The following GRM7 variants were observed in gnomAD, a reference collection of about 807,000 sequenced individuals.
GRM7 encodes the protein metabotropic glutamate receptor 7.
In GRM7, 35 loss-of-function variants were observed where a neutral mutation model predicts 84.5. The observed-to-expected ratio is 0.41, with a 90% CI of 0.32 to 0.55. The LOEUF (loss-of-function observed/expected upper bound fraction) is 0.55. GRM7 is among the 20% of genes least tolerant of loss of function. GRM7 has a pLI of 0.19. For synonymous variants in GRM7, 487 were observed against 455.1 expected (o/e 1.07, Z -0.89); for missense variants, 1,003 against 1,194.6 (o/e 0.84, Z 2.36).
chr3:7,504,802 A>C (rs1303815108), intron 7 of GRM7, among the ~76,000 whole-genome samples: 1 of 152,210 alleles, frequency 6.6e-6, no homozygotes, highest in Non-Finnish European at 1.5e-5. Flanking sequence ...CATTTTAGCC[A>C]TAGCATTCTG....
chr3:7,046,799 C>A (rs1366436491), intron 1 of GRM7, among the ~76,000 whole-genome samples: 1 of 152,066 alleles, frequency 6.6e-6, no homozygotes, highest in African/African-American at 2.4e-5. Flanking sequence ...GAGAATGTCA[C>A]ATGAAAGCCT....
At chr3:7,453,631 C>T (rs1697872640) in intron 6 of GRM7, among the ~76,000 whole-genome samples, 1 of 152,108 alleles carries the variant, frequency 6.6e-6, no homozygotes, top group African/African-American at 2.4e-5. Context: ...TTGGGGTGTG[C>T]TGGCCTCCCC....
At chr3:7,337,993 A>G (rs942879440) in intron 4 of GRM7, among the ~76,000 whole-genome samples, 1 of 151,974 alleles carries the variant, frequency 6.6e-6, no homozygotes, top group Non-Finnish European at 1.5e-5. Context: ...AAAATATGAA[A>G]CCAGCCTAAA....
intron 8 of GRM7, among the ~76,000 whole-genome samples, chr3:7,642,988 T>G (rs1207083126): frequency 6.6e-6 from 1 of 152,066 alleles, no homozygotes; most frequent in African/African-American, 2.4e-5. Flanking sequence ...ACAGGCTAGT[T>G]TAGTAAGAGA....
intron 5 of GRM7, among the ~76,000 whole-genome samples, chr3:7,443,275 C>T (rs923232952): frequency 2.6e-5 from 4 of 151,986 alleles, no homozygotes; most frequent in Non-Finnish European, 4.4e-5. Flanking sequence ...CAAAGTAAAC[C>T]TCTACATATG....
intron 2 of GRM7, among the ~76,000 whole-genome samples, chr3:7,205,065 A>C (rs572163207): frequency 1.3e-5 from 2 of 152,296 alleles, no homozygotes; most frequent in Admixed American, 1.3e-4. Flanking sequence ...TGTGCTGTAC[A>C]TTGGGATTGA....
At chr3:7,181,948 T>G in intron 2 of GRM7, among the ~76,000 whole-genome samples, 1 of 152,176 alleles carries the variant, frequency 6.6e-6, no homozygotes, top group Middle Eastern at 3.4e-3. Flanking sequence ...AAAAAAGAAG[T>G]AGAATTTTAG....
chr3:7,311,664 G>C (rs924733981), intron 4 of GRM7, among the ~76,000 whole-genome samples: 12 of 151,330 alleles, frequency 7.9e-5, no homozygotes, highest in African/African-American at 2.9e-4. Flanking sequence ...CGCAGTCTTG[G>C]CTTACTGCAA....
chr3:7,076,354 T>A (rs1698076665), intron 1 of GRM7, among the ~76,000 whole-genome samples: 1 of 152,170 alleles, frequency 6.6e-6, no homozygotes, highest in African/African-American at 2.4e-5. Flanking sequence ...GGGAAGGGCC[T>A]TGGTGGGAGG....
chr3:7,312,077 G>A (rs1700417326), intron 4 of GRM7, among the ~76,000 whole-genome samples: 1 of 152,164 alleles, frequency 6.6e-6, no homozygotes, highest in Non-Finnish European at 1.5e-5. Context: ...ATAAAGGAGA[G>A]CTGAATATTG....
At chr3:7,109,997 T>C (rs1692788411) in intron 1 of GRM7, among the ~76,000 whole-genome samples, 1 of 152,140 alleles carries the variant, frequency 6.6e-6, no homozygotes, top group South Asian at 2.1e-4. Flanking sequence ...CCAAACCATT[T>C]TAACCTACAA....
chr3:7,516,504 AAGAAAT>A (rs1700394989), intron 7 of GRM7, among the ~76,000 whole-genome samples: 2 of 124,708 alleles, frequency 1.6e-5, no homozygotes, highest in African/African-American at 2.7e-5. Flanking sequence ...AAAAAAAAAA[AAGAAAT>A]AGTTAGTTCA....
chr3:7,380,955 G>A (rs965527000), intron 4 of GRM7, among the ~76,000 whole-genome samples: 1 of 152,104 alleles, frequency 6.6e-6, no homozygotes, highest in Non-Finnish European at 1.5e-5. Context: ...ATAAAAGGAA[G>A]ACCGTGTGTT....
rs746062493 is a variant in GRM7 at position 6,862,419 on chromosome 3, G to A, written c.519+512G>A. On this transcript the variant is annotated intron_variant, in intron 1 of 9. Transcript: ENST00000357716. This position sits in a 1 kb window ranked among gnomAD's most constrained non-coding sequence, Gnocchi z 5.2. ...AGGCACTTCTTAAATCGAGGGCTCCGTCTTAACCTAGATGTGGATGTTAAG... is the reference window on the plus strand; with the variant it reads ...AGGCACTTCTTAAATCGAGGGCTCCATCTTAACCTAGATGTGGATGTTAAG... Among the ~76,000 whole-genome samples, 2 of 152,002 alleles carry A rather than the reference G, an allele frequency of 1.3e-5. No homozygotes were observed. The highest frequency in any genetic ancestry group is 2.9e-5 in the Non-Finnish European group (2 of 68,020).
At chr3:7,543,003 C>T (rs1313404280) in intron 7 of GRM7, among the ~76,000 whole-genome samples, 1 of 152,164 alleles carries the variant, frequency 6.6e-6, no homozygotes, top group Admixed American at 6.5e-5. Context: ...TGGTTCCCCA[C>T]AATTGCAGCA....
At chr3:7,445,500 G>C (rs149287405) in intron 5 of GRM7, among the ~76,000 whole-genome samples, 5 of 152,272 alleles carry the variant, frequency 3.3e-5, no homozygotes, top group Non-Finnish European at 7.4e-5. Flanking sequence ...GGGTGGTGCT[G>C]TGACCCCCTG....
At chr3:7,186,756 T>C (rs150223177) in intron 2 of GRM7, among the ~76,000 whole-genome samples, 2 of 152,340 alleles carry the variant, frequency 1.3e-5, no homozygotes, top group East Asian at 3.9e-4. Context: ...CCTTGTAATA[T>C]ATTACTTTTC....
chr3:7,372,928 T>C (rs1694199623), intron 4 of GRM7, among the ~76,000 whole-genome samples: 1 of 152,136 alleles, frequency 6.6e-6, no homozygotes, highest in African/African-American at 2.4e-5. Context: ...TCTCTTTATT[T>C]TTTCTTGAAA....
At chr3:7,636,255 C>G (rs1378476419) in intron 8 of GRM7, 4 of 456,600 alleles carry the variant, frequency 8.8e-6, no homozygotes, top group African/African-American at 8.0e-5. Flanking sequence ...CTTCCCAGGT[C>G]TCAGGCTTTC....
Sources: allele counts gnomAD v4.1 joint callset (sites outside exome capture counted in the v4.1 genomes callset), GRCh38; gene constraint gnomAD v4.1.1; non-coding constraint Gnocchi (gnomAD v3.1); transcripts MANE v1.5; gene names NCBI Gene and HGNC (gene_info 2026-07-23, HGNC 2026-07-21).